EXOC2: variants seen among roughly 807,000 people sequenced by gnomAD.
EXOC2 encodes the protein exocyst complex component 2.
In EXOC2, 70 loss-of-function variants were observed where a neutral mutation model predicts 131.8. That is an observed-to-expected ratio of 0.53 (90% CI 0.44 to 0.65). The LOEUF (loss-of-function observed/expected upper bound fraction) is 0.65. EXOC2 is among the 30% of genes least tolerant of loss of function. EXOC2 has a pLI of 0.00. For missense variants in EXOC2, 923 were observed against 1,108.6 expected, an observed-to-expected ratio of 0.83 and a Z score of 2.38; for synonymous variants, 411 against 398.4, an observed-to-expected ratio of 1.03 and a Z score of -0.38.
In EXOC2 at chr6:486,642, T is replaced by C; in HGVS notation, c.*29A>G. 1 of 1,586,796 alleles carries C rather than the reference T, an allele frequency of 6.3e-7. No homozygotes were observed. Among genetic ancestry groups the C allele is most frequent in the Non-Finnish European group, 8.7e-7 (1 of 1,155,058 alleles). ...GTGAACAGTCTTATTACGTGTTATTTTCCTGGACTTCTTTTATGTGGCAGA... is the reference window on the plus strand; with the variant it reads ...GTGAACAGTCTTATTACGTGTTATTCTCCTGGACTTCTTTTATGTGGCAGA... On this transcript the variant is annotated 3_prime_UTR_variant, in exon 28 of 28. Coordinates refer to ENST00000230449, the MANE Select transcript of EXOC2 (RefSeq NM_018303.6).
At chr6:625,416 C>G (rs1761507994) in intron 4 of EXOC2, among the ~76,000 whole-genome samples, 1 of 152,054 alleles carries the variant, frequency 6.6e-6, no homozygotes. Flanking sequence ...GTGGGCATTG[C>G]TAGTTCTTTG....
chr6:638,139 C>T (rs1762187418), intron 1 of EXOC2, among the ~76,000 whole-genome samples: 1 of 152,162 alleles, frequency 6.6e-6, no homozygotes, highest in African/African-American at 2.4e-5. Context: ...AAACTAATGT[C>T]ACCACGTAGC....
intron 1 of EXOC2, among the ~76,000 whole-genome samples, chr6:686,155 G>A (rs1323987079): frequency 1.3e-5 from 2 of 151,708 alleles, no homozygotes; most frequent in South Asian, 2.1e-4. Context: ...GTAGAGACGG[G>A]GTTTCATCAT....
At position 690,856 on chromosome 6, in the gene EXOC2, G is replaced by C. The variant is rs545688239; in HGVS notation, c.-44+2163C>G. Reference sequence around the variant, plus strand: ...TGTGATTTCAGCAGGCAGTCCAGAAGGTCCAAGAACATATTCCCCAGGATC... The same window carrying C: ...TGTGATTTCAGCAGGCAGTCCAGAACGTCCAAGAACATATTCCCCAGGATC... On this transcript the variant is annotated intron_variant, in intron 1 of 27. Coordinates refer to ENST00000230449, the MANE Select transcript of EXOC2 (RefSeq NM_018303.6). Among the ~76,000 whole-genome samples, 18 of 152,284 alleles carry C rather than the reference G, an allele frequency of 1.2e-4. 1 individual carries two copies. Among genetic ancestry groups the C allele is most frequent in the Admixed American group, 9.8e-4 (15 of 15,300 alleles).
At chr6:514,243 G>C (rs893548669) in intron 23 of EXOC2, among the ~76,000 whole-genome samples, 17 of 152,204 alleles carry the variant, frequency 1.1e-4, no homozygotes, top group African/African-American at 3.9e-4. Context: ...TTTCCACCTT[G>C]AAGGTTTAGA....
At chr6:690,032 A>T (rs1055918142) in intron 1 of EXOC2, among the ~76,000 whole-genome samples, 52 of 152,228 alleles carry the variant, frequency 3.4e-4, no homozygotes, top group African/African-American at 1.1e-3. Context: ...TTGACGCCTA[A>T]GCCAAAAATA....
intron 23 of EXOC2, among the ~76,000 whole-genome samples, chr6:501,140 A>ATATAT (rs56933744): frequency 0.1 from 1,484 of 14,754 alleles, 583 homozygotes; most frequent in Non-Finnish European, 0.16. Flanking sequence ...ATATATATCT[A>ATATAT]TATATATTAT....
At chr6:538,208 T>G (rs1420639318) in intron 22 of EXOC2, among the ~76,000 whole-genome samples, 1 of 152,192 alleles carries the variant, frequency 6.6e-6, no homozygotes, top group Non-Finnish European at 1.5e-5. Context: ...ATACTTTTTG[T>G]TGTAAGGATT....
At chr6:556,884 A>G (rs1396726038) in intron 17 of EXOC2, among the ~76,000 whole-genome samples, 1 of 152,236 alleles carries the variant, frequency 6.6e-6, no homozygotes, top group African/African-American at 2.4e-5. Flanking sequence ...AGCAGATATA[A>G]TGAGTTTATA....
intron 2 of EXOC2, among the ~76,000 whole-genome samples, chr6:636,467 G>C (rs546363380): frequency 6.6e-6 from 1 of 152,272 alleles, no homozygotes; most frequent in African/African-American, 2.4e-5. Context: ...TATCAAATGA[G>C]ACATAACACT....
chr6:593,972 C>T (rs969052175), intron 10 of EXOC2, among the ~76,000 whole-genome samples: 5 of 152,138 alleles, frequency 3.3e-5, no homozygotes, highest in African/African-American at 4.8e-5. Context: ...TGTGGGGAGC[C>T]GGATATCCAG....
intron 16 of EXOC2, 36 bp downstream of exon 16, chr6:563,997 T>C (rs1170517009): frequency 1.9e-6 from 3 of 1,607,556 alleles, no homozygotes; most frequent in East Asian, 4.5e-5. Flanking sequence ...CAGATAATCA[T>C]TGCACAGTGA....
chr6:541,907 A>G (rs12665366), intron 22 of EXOC2, among the ~76,000 whole-genome samples: 23,886 of 152,238 alleles, frequency 0.16, 2,333 homozygotes, highest in East Asian at 0.46. Flanking sequence ...TTCAAAGAAG[A>G]AAAAGGAATA....
intron 1 of EXOC2, among the ~76,000 whole-genome samples, chr6:685,975 CTT>C (rs58492950): frequency 0.044 from 5,739 of 131,484 alleles, 188 homozygotes; most frequent in African/African-American, 0.091. Flanking sequence ...TCCTGGACCT[CTT>C]TTTTTTTTTT....
intron 17 of EXOC2, 78 bp downstream of exon 17, chr6:562,706 A>G (rs1757762960): frequency 1.1e-6 from 1 of 930,450 alleles, no homozygotes; most frequent in African/African-American, 1.7e-5. Context: ...CATGGAGCAC[A>G]TGCTCCCTAT....
chr6:603,593 T>C (rs961062425), intron 7 of EXOC2, among the ~76,000 whole-genome samples: 1 of 151,884 alleles, frequency 6.6e-6, no homozygotes, highest in African/African-American at 2.4e-5. Flanking sequence ...TAATATTAGG[T>C]TAATTTTTTC....
chr6:569,090 A>C (rs969766049), intron 13 of EXOC2, among the ~76,000 whole-genome samples: 4 of 152,210 alleles, frequency 2.6e-5, no homozygotes, highest in African/African-American at 9.6e-5. Flanking sequence ...AGAAAATCTA[A>C]TTTTGGAATA....
chr6:572,342 T>A (rs1758331583), intron 13 of EXOC2, among the ~76,000 whole-genome samples, 178 bp downstream of exon 13: 1 of 152,222 alleles, frequency 6.6e-6, no homozygotes, highest in African/African-American at 2.4e-5. Flanking sequence ...AGTGACTTGT[T>A]CGAGGTCACA....
intron 17 of EXOC2, among the ~76,000 whole-genome samples, chr6:557,487 A>G (rs1408109839): frequency 2.0e-5 from 3 of 151,820 alleles, no homozygotes; most frequent in South Asian, 2.1e-4. Flanking sequence ...GCGTGGTGGC[A>G]CGCGCCTGTA....
Sources: allele counts gnomAD v4.1 joint callset (sites outside exome capture counted in the v4.1 genomes callset), GRCh38; gene constraint gnomAD v4.1.1; transcripts MANE v1.5; gene names NCBI Gene and HGNC (gene_info 2026-07-23, HGNC 2026-07-21).